Variants in SLC6A2 observed in about 807,000 individuals in gnomAD.
The protein encoded by SLC6A2 is sodium-dependent noradrenaline transporter.
In SLC6A2, 26 loss-of-function variants were observed where a neutral mutation model predicts 71.7. The ratio of observed to expected loss-of-function variants is 0.36; its 90% CI spans 0.27 to 0.50. The LOEUF (loss-of-function observed/expected upper bound fraction) is 0.50, where lower values mean the gene tolerates loss of function less well. Ranked by LOEUF, SLC6A2 falls within the 20% of genes least tolerant of loss-of-function variation. SLC6A2 has a pLI of 0.96. For synonymous variants in SLC6A2, 363 were observed against 337.9 expected (o/e 1.07, Z -0.82); for missense variants, 581 against 803.9 (o/e 0.72, Z 3.35).
Position 55,656,379 on chromosome 16 carries a change from C to T in SLC6A2, c.-52+210C>T, listed in dbSNP as rs879697952. On this transcript the variant is annotated intron_variant, in intron 1 of 14. Coordinates refer to ENST00000568943, the MANE Select transcript of SLC6A2 (RefSeq NM_001172501.3). This position sits in a 1 kb window ranked among gnomAD's most constrained non-coding sequence, Gnocchi z 4.5. ...TGAGTTCAATCCCAGCCATTTGGGG[C>T]AGGCGAGAGTGGGTGAACGAGGAAA... is the stretch of plus-strand genomic sequence containing the variant. 6.4e-6 allele frequency: 3 copies of T among 466,968 alleles called. No individual in the cohort carries two copies. Among genetic ancestry groups the T allele is most frequent in the African/African-American group, 2.0e-5 (1 of 50,638 alleles). The allele number at this position is 466,968 out of a possible 1,614,324, so 28.9% of individuals were successfully genotyped here. A position where few individuals can be genotyped will look rare whatever the true frequency, so the allele number is the denominator to read the frequency against.
chr16:55,692,275 G>A (rs1308974698), intron 6 of SLC6A2, among the ~76,000 whole-genome samples: 2 of 152,192 alleles, frequency 1.3e-5, no homozygotes, highest in Admixed American at 6.5e-5. Context: ...GGATTCTGTG[G>A]TTGCATCTGG....
rs1319611421 is a variant in SLC6A2, at chr16:55,703,454, A to G, written c.*1108A>G. 1 of 985,352 alleles carries G rather than the reference A, an allele frequency of 1.0e-6. No homozygotes were observed. The highest frequency in any genetic ancestry group is 1.7e-5 in the African/African-American group (1 of 57,258). The allele number at this position is 985,352 out of a possible 1,614,324, so 61.0% of individuals were successfully genotyped here. A position where few individuals can be genotyped will look rare whatever the true frequency, so the allele number is the denominator to read the frequency against. On this transcript the variant is annotated 3_prime_UTR_variant, in exon 15 of 15. Transcript: ENST00000568943. ...CACTAGATGTGGCACCTTGGAGGGC[A>G]GGGTGAGACAAGCAGCCCAGAAATA...
Position 55,702,305 on chromosome 16 carries a change from C to T in SLC6A2, c.1831-18C>T, listed in dbSNP as rs74019223. 137 of 1,613,950 alleles carry T rather than the reference C, an allele frequency of 8.5e-5. No individual in the cohort carries two copies. The African/African-American group carries it at 1.5e-3, about 18-fold the overall frequency. On this transcript the variant is annotated intron_variant, in intron 14 of 14. Transcript: ENST00000568943. Reference sequence around the variant, plus strand: ...TGTCCCCACCATGTCATCAAGTCCTCGCTGTCTTTCTCTGCAGTTGCAACA... The same window carrying T: ...TGTCCCCACCATGTCATCAAGTCCTTGCTGTCTTTCTCTGCAGTTGCAACA...
At chr16:55,679,743 A>G (rs192328611) in intron 4 of SLC6A2, among the ~76,000 whole-genome samples, 72 of 152,294 alleles carry the variant, frequency 4.7e-4, no homozygotes, top group Non-Finnish European at 8.5e-4. Context: ...GATGCACCCT[A>G]TAACTGGGGA....
In SLC6A2 at chr16:55,699,672, G is replaced by GACTTCCCT; in HGVS notation, c.1590+18_1590+19insACTTCCCT. On this transcript the variant is annotated intron_variant, in intron 12 of 14. Coordinates refer to ENST00000568943, the MANE Select transcript of SLC6A2 (RefSeq NM_001172501.3). The stretch of plus-strand genomic sequence containing the variant: ...TCCTCCTGGTGTGTAGTGTCTGCAG[G>GACTTCCCT]GAAGTCCTGCATGTGGGGAGGGGGC... The GACTTCCCT allele has an allele frequency of 6.4e-7, 1 of 1,572,656 alleles. No individual in the cohort carries two copies. Among genetic ancestry groups the GACTTCCCT allele is most frequent in the Non-Finnish European group, 8.8e-7 (1 of 1,142,270 alleles).
At chr16:55,683,141 G>A (rs1490894013) in intron 4 of SLC6A2, among the ~76,000 whole-genome samples, 1 of 152,162 alleles carries the variant, frequency 6.6e-6, no homozygotes, top group Non-Finnish European at 1.5e-5. Flanking sequence ...GGGACTTGCT[G>A]TACTGTTTCA....
rs1567427372 is a variant in SLC6A2 at position 55,656,974 on chromosome 16, C to CGTGG, written c.274+8_274+11dup. ...CTGCTACAAGAACGGCGGCGGTGAG[C>CGTGG]GTGGGGTCGGGCTGGGAATTTGAAT... On this transcript the variant is annotated splice_region_variant and intron_variant, in intron 2 of 14. Coordinates refer to ENST00000568943, the MANE Select transcript of SLC6A2 (RefSeq NM_001172501.3). This position sits in a 1 kb window ranked among gnomAD's most constrained non-coding sequence, Gnocchi z 4.5. The CGTGG allele has an allele frequency of 1.1e-5, 18 of 1,612,586 alleles. No individual in the cohort carries two copies. Among genetic ancestry groups the CGTGG allele is most frequent in the Non-Finnish European group, 1.4e-5 (16 of 1,179,322 alleles).
rs1159021525 is a variant in SLC6A2 at position 55,656,329 on chromosome 16, G to T, written c.-52+160G>T. 2 of 379,784 alleles carry T rather than the reference G, an allele frequency of 5.3e-6. No individual in the cohort carries two copies. The highest frequency in any genetic ancestry group is 9.9e-6 in the Non-Finnish European group (2 of 201,522). 23.5% of individuals were successfully genotyped at this position (379,784 alleles called of 1,614,324 possible). ...GTCGCGGACCTGAGCTGGGGAGGGG[G>T]TCGGCACGCTGCCCTCAGCCTCGGT... On this transcript the variant is annotated intron_variant, in intron 1 of 14. Transcript: ENST00000568943. This position sits in a 1 kb window ranked among gnomAD's most constrained non-coding sequence, Gnocchi z 4.5.
At chr16:55,685,358 T>C (rs1345444692) in intron 5 of SLC6A2, 77 bp downstream of exon 5, 12 of 1,462,620 alleles carry the variant, frequency 8.2e-6, no homozygotes, top group Non-Finnish European at 1.1e-5. Flanking sequence ...GCAATAATTA[T>C]GTAGCTGGTG....
In SLC6A2 at chr16:55,691,864, G is replaced by T. The variant is rs1025376507; in HGVS notation, c.784-54G>T. 3.9e-5 allele frequency: 62 copies of T among 1,609,262 alleles called. No individual in the cohort carries two copies. The Admixed American group carries it at 8.8e-4, about 23-fold the overall frequency. ...AAAGGGCTCTGTGCCCCACCAGCCC[G>T]CCACGGGATTGGGGCCAGAGCGAGG... On this transcript the variant is annotated intron_variant, in intron 5 of 14. Coordinates refer to ENST00000568943, the MANE Select transcript of SLC6A2 (RefSeq NM_001172501.3).
chr16:55,697,994 CTT>C lies in SLC6A2; in HGVS notation c.1360_1361del (p.Phe454ProfsTer122). 1 of 1,614,204 alleles carries C rather than the reference CTT, an allele frequency of 6.2e-7. No homozygotes were observed. Among genetic ancestry groups the C allele is most frequent in the Non-Finnish European group, 8.5e-7 (1 of 1,180,042 alleles). On this transcript the variant is annotated frameshift_variant, in exon 10 of 15. Transcript: ENST00000568943. LOFTEE classifies it high-confidence loss of function. ...TTCACATTTGGCGTCACCTTCAGCA[CTT>C]TCCTTCTCGCCCTGTTCTGCATAAC...
At chr16:55,678,167 C>A (rs1341617667) in intron 4 of SLC6A2, among the ~76,000 whole-genome samples, 1 of 151,902 alleles carries the variant, frequency 6.6e-6, no homozygotes, top group African/African-American at 2.4e-5. Flanking sequence ...GTGTAGGCTC[C>A]GGTTTTAGGT....
intron 4 of SLC6A2, among the ~76,000 whole-genome samples, chr16:55,673,570 T>A (rs923517143): frequency 2.7e-5 from 4 of 149,318 alleles, no homozygotes; most frequent in South Asian, 2.1e-4. Context: ...ATTTTATTTT[T>A]TTGTTTTTTG....
rs1443567494 is a variant in SLC6A2 at position 55,702,315 on chromosome 16, C to G, written c.1831-8C>G. 1.2e-5 allele frequency: 20 copies of G among 1,614,126 alleles called. No individual in the cohort carries two copies. The highest frequency in any genetic ancestry group is 1.5e-5 in the Non-Finnish European group (18 of 1,179,962). On this transcript the variant is annotated splice_region_variant and splice_polypyrimidine_tract_variant and intron_variant, in intron 14 of 14. Coordinates refer to ENST00000568943, the MANE Select transcript of SLC6A2 (RefSeq NM_001172501.3). ...ATGTCATCAAGTCCTCGCTGTCTTT[C>G]TCTGCAGTTGCAACACTGGCTGGCC...
intron 3 of SLC6A2, among the ~76,000 whole-genome samples, chr16:55,671,258 G>T (rs1446925759): frequency 6.6e-6 from 1 of 152,218 alleles, no homozygotes; most frequent in Non-Finnish European, 1.5e-5. Context: ...CCCATCAGGG[G>T]AGAATGTGAA....
In SLC6A2 at chr16:55,695,173, C is replaced by G. The variant is rs568939277; in HGVS notation, c.1023-105C>G. On this transcript the variant is annotated intron_variant, in intron 7 of 14. Transcript: ENST00000568943. The stretch of plus-strand genomic sequence containing the variant: ...GCAGGAGCCACTGAAGGGGGGATGG[C>G]CTTTGAGGCTGGGGCCAGGCTGCAG... 8.1e-6 allele frequency: 11 copies of G among 1,361,486 alleles called. No individual in the cohort carries two copies. The African/African-American group carries it at 1.4e-4, about 18-fold the overall frequency. The allele number at this position is 1,361,486 out of a possible 1,614,324, so 84.3% of individuals were successfully genotyped here.
intron 4 of SLC6A2, among the ~76,000 whole-genome samples, chr16:55,680,976 T>C (rs895128847): frequency 6.6e-6 from 1 of 151,982 alleles, no homozygotes; most frequent in Non-Finnish European, 1.5e-5. Context: ...TCACGCATGC[T>C]CACATCCCCT....
chr16:55,657,722 A>T (rs1964498280), intron 2 of SLC6A2, among the ~76,000 whole-genome samples: 1 of 151,386 alleles, frequency 6.6e-6, no homozygotes, highest in Non-Finnish European at 1.5e-5. Context: ...CCTGAAGAAG[A>T]CTCCAGTGGA....
intron 5 of SLC6A2, among the ~76,000 whole-genome samples, chr16:55,688,305 T>A (rs763965400): frequency 1.3e-5 from 2 of 152,248 alleles, no homozygotes; most frequent in Admixed American, 6.5e-5. Flanking sequence ...AAGGTTGTGC[T>A]GGTCCTGGCT....
Sources: allele counts gnomAD v4.1 joint callset (sites outside exome capture counted in the v4.1 genomes callset), GRCh38; gene constraint gnomAD v4.1.1; non-coding constraint Gnocchi (gnomAD v3.1); transcripts MANE v1.5; gene names NCBI Gene and HGNC (gene_info 2026-07-23, HGNC 2026-07-21).